Variants in SEPTIN12 observed in about 807,000 individuals in gnomAD.
SEPTIN12 encodes the protein septin-12.
SEPTIN12 carries 42 observed loss-of-function variants against 37.7 expected under a neutral mutation model. The observed-to-expected ratio is 1.11, with a 90% CI of 0.87 to 1.44. SEPTIN12 has a LOEUF of 1.44. Ranked by LOEUF, SEPTIN12 falls within the 40% of genes most tolerant of loss-of-function variation. SEPTIN12 has a pLI of 0.00. For synonymous variants in SEPTIN12, 254 were observed against 196.7 expected (o/e 1.29, Z -2.44); for missense variants, 613 against 479.2 (o/e 1.28, Z -2.61).
chr16:4,791,585 A>G (rs946844752), upstream of SEPTIN12, among the ~76,000 whole-genome samples: 5 of 152,118 alleles, frequency 3.3e-5, no homozygotes, highest in South Asian at 2.1e-4. Context: ...ATGGCATGCA[A>G]TCGAACCTGG....
intron 8 of SEPTIN12, among the ~76,000 whole-genome samples, chr16:4,779,485 C>T (rs2082349311): frequency 2.0e-5 from 3 of 152,332 alleles, no homozygotes; most frequent in African/African-American, 7.2e-5. Flanking sequence ...CACTGTGATG[C>T]CCACTTTACT....
chr16:4,788,725 C>A (rs2082500673), upstream of SEPTIN12: 2 of 152,320 alleles, frequency 1.3e-5, no homozygotes, highest in Admixed American at 1.3e-4. Context: ...TGGCATCGTT[C>A]TAGGAGCCCA....
chr16:4,784,938 C>T (rs1567567808), intron 4 of SEPTIN12, among the ~76,000 whole-genome samples: 1 of 151,958 alleles, frequency 6.6e-6, no homozygotes, highest in Admixed American at 6.6e-5. Flanking sequence ...GGGGAAATCC[C>T]CGTCTCTACT....
chr16:4,784,236 G>A (rs367847121), intron 4 of SEPTIN12, 168 bp from the exon 5 acceptor site: 1 of 669,944 alleles, frequency 1.5e-6, no homozygotes. Flanking sequence ...TGCATCATCA[G>A]AGACACACAG....
chr16:4,784,124 C>T (rs1268655358), intron 4 of SEPTIN12, 56 bp from the exon 5 acceptor site: 6 of 1,602,578 alleles, frequency 3.7e-6, no homozygotes, highest in Non-Finnish European at 4.3e-6. Flanking sequence ...GAGAGCCCCA[C>T]CCCTCTCCTC....
chr16:4,785,942 G>GA, intron 3 of SEPTIN12, 38 bp downstream of exon 3: 1 of 1,610,560 alleles, frequency 6.2e-7, no homozygotes, highest in South Asian at 1.1e-5. Flanking sequence ...GATGGGGTGG[G>GA]GCAGGGTGGG....
rs2082450412 is a variant in SEPTIN12, at chr16:4,786,502, C to T, written c.167-397G>A. On this transcript the variant is annotated intron_variant, in intron 2 of 9. Coordinates refer to ENST00000268231, the MANE Select transcript of SEPTIN12 (RefSeq NM_144605.5). ...CCCAAGTAGCTGGGACTACAGGCGC[C>T]CGCCACCACGCCTGGCTAATTTTTT... Among the ~76,000 whole-genome samples, 4 of 151,300 alleles carry T rather than the reference C, an allele frequency of 2.6e-5. No homozygotes were observed. In the South Asian group the frequency reaches 8.4e-4, roughly 32 times the overall value.
chr16:4,786,353 CTTT>C (rs949470758), intron 2 of SEPTIN12, among the ~76,000 whole-genome samples: 2 of 126,196 alleles, frequency 1.6e-5, no homozygotes, highest in Non-Finnish European at 1.7e-5. Flanking sequence ...TTTTGCACTG[CTTT>C]TTTTTTTTTT....
At chr16:4,789,296 C>T (rs2082510898), upstream of SEPTIN12, among the ~76,000 whole-genome samples, 1 of 151,964 alleles carries the variant, frequency 6.6e-6, no homozygotes, top group Non-Finnish European at 1.5e-5. Context: ...AGTGAGCCAC[C>T]ATGCCTGGCC....
In SEPTIN12 at chr16:4,777,986, T is replaced by C; in HGVS notation, c.888A>G (p.Gln296=). The change falls in exon 10 of 10, where the codon CAA becomes CAG. Residue 296 remains glutamine, a synonymous_variant. Coordinates refer to ENST00000268231, the MANE Select transcript of SEPTIN12 (RefSeq NM_144605.5). ...LRDLLIRSHL[Q]DLKDITHNIH... ...TGTTGTGGGTTATGTCCTTCAGGTC[T>C]TGGAGGTGGGAGCTGGGGGACCGGA... The C allele has an allele frequency of 6.2e-7, 1 of 1,612,134 alleles. No individual in the cohort carries two copies. Among genetic ancestry groups the C allele is most frequent in the Non-Finnish European group, 8.5e-7 (1 of 1,179,142 alleles).
intron 4 of SEPTIN12, 133 bp from the exon 5 acceptor site, chr16:4,784,201 A>C: frequency 1.1e-6 from 1 of 943,372 alleles, no homozygotes; most frequent in Non-Finnish European, 1.6e-6. Flanking sequence ...CCTGTGGGTC[A>C]CCCCGGTACT....
Position 4,779,650 on chromosome 16 carries a change from C to G in SEPTIN12, c.823+40G>C, listed in dbSNP as rs745384032. Reference sequence around the variant, plus strand: ...GCCCAAGGCTGCTCTGGTTTCCAAACTGACCCCACCTGCATCCTACCCAGG... The same window carrying G: ...GCCCAAGGCTGCTCTGGTTTCCAAAGTGACCCCACCTGCATCCTACCCAGG... On this transcript the variant is annotated intron_variant, in intron 8 of 9. Coordinates refer to ENST00000268231, the MANE Select transcript of SEPTIN12 (RefSeq NM_144605.5). 12 of 1,306,906 alleles carry G rather than the reference C, an allele frequency of 9.2e-6. No individual in the cohort carries two copies. In the Admixed American group the frequency reaches 1.5e-4, roughly 16 times the overall value. 81.0% of individuals were successfully genotyped at this position (1,306,906 alleles called of 1,614,324 possible).
intron 7 of SEPTIN12, among the ~76,000 whole-genome samples, chr16:4,781,407 C>G (rs2082370197): frequency 6.6e-6 from 1 of 152,160 alleles, no homozygotes; most frequent in African/African-American, 2.4e-5. Flanking sequence ...ATCACGTCCC[C>G]CCAAAAAAAC....
At position 4,777,948 on chromosome 16, in the gene SEPTIN12, T is replaced by C. The variant is rs756323763; in HGVS notation, c.926A>G (p.Asn309Ser). Residue 309 changes from asparagine to serine, a missense_variant, in exon 10 of 10, where the codon AAC (asparagine) becomes AGC (serine). Asn to Ser is a conservative substitution (Grantham distance 46). Transcript: ENST00000268231. ...TTCATTGAGTCTGATGACGCGGTAG[T>C]TCTCATAGTGGATGTTGTGGGTTAT... ...KDITHNIHYE[N>S]YRVIRLNESH... The C allele has an allele frequency of 8.1e-6, 13 of 1,610,148 alleles. No individual in the cohort carries two copies. In the East Asian group the frequency reaches 2.7e-4, roughly 33 times the overall value.
intron 2 of SEPTIN12, among the ~76,000 whole-genome samples, chr16:4,786,406 G>A (rs2082446939): frequency 6.7e-6 from 1 of 150,192 alleles, no homozygotes; most frequent in Admixed American, 6.7e-5. Flanking sequence ...CCAGGCTGGA[G>A]CGCGATGGTG....
Position 4,786,030 on chromosome 16 carries a change from C to T in SEPTIN12, c.242G>A (p.Gly81Asp). Reference sequence around the variant, plus strand: ...CGTCTGGGGTGTGGGCACCCCCAAGCCCGGTGGGTTTGACTTCCACACTTT... The same window carrying T: ...CGTCTGGGGTGTGGGCACCCCCAAGTCCGGTGGGTTTGACTTCCACACTTT... ...KSKVWKSNPP[G>D]LGVPTPQTLQ... The change falls in exon 3 of 10, where the codon GGC becomes GAC. Residue 81 changes from glycine (G) to aspartate (D), a missense_variant. Gly to Asp is a moderately conservative substitution (Grantham distance 94). Coordinates refer to ENST00000268231, the MANE Select transcript of SEPTIN12 (RefSeq NM_144605.5). 1.9e-6 allele frequency: 3 copies of T among 1,613,936 alleles called. No individual in the cohort carries two copies. The highest frequency in any genetic ancestry group is 2.2e-5 in the East Asian group (1 of 44,888).
intron 7 of SEPTIN12, among the ~76,000 whole-genome samples, chr16:4,780,106 A>T (rs956190099): frequency 3.3e-5 from 5 of 151,968 alleles, no homozygotes; most frequent in Non-Finnish European, 5.9e-5. Flanking sequence ...CTGAGCTTAT[A>T]ATCCCATTAT....
Position 4,777,780 on chromosome 16 carries a change from C to T in SEPTIN12, c.*17G>A. The T allele has an allele frequency of 6.7e-7, 1 of 1,492,772 alleles. No individual in the cohort carries two copies. Among genetic ancestry groups the T allele is most frequent in the Non-Finnish European group, 8.9e-7 (1 of 1,117,962 alleles). The allele number at this position is 1,492,772 out of a possible 1,614,324, so 92.5% of individuals were successfully genotyped here. On this transcript the variant is annotated 3_prime_UTR_variant, in exon 10 of 10. Transcript: ENST00000268231. ...TGGGGACTCAGGAAGCCCAGCAGCC[C>T]CGGGATCCGCCGGTGGTCAGAACTC...
At chr16:4,791,228 A>C (rs1048827302), upstream of SEPTIN12, among the ~76,000 whole-genome samples, 5 of 152,194 alleles carry the variant, frequency 3.3e-5, no homozygotes, top group African/African-American at 1.2e-4. Context: ...AGTGCCGTCA[A>C]AGGAGTAGTT....
Sources: allele counts gnomAD v4.1 joint callset (sites outside exome capture counted in the v4.1 genomes callset), GRCh38; gene constraint gnomAD v4.1.1; transcripts MANE v1.5; gene names NCBI Gene and HGNC (gene_info 2026-07-23, HGNC 2026-07-21).